Variants in GTF3C5 observed in about 807,000 individuals in gnomAD.
The protein encoded by GTF3C5 is general transcription factor IIIC subunit 5, also known as general transcription factor 3C polypeptide 5.
GTF3C5 carries 47 observed loss-of-function variants against 61.0 expected under a neutral mutation model. The observed-to-expected ratio is 0.77, with a 90% CI of 0.61 to 0.98. The LOEUF is 0.98. GTF3C5 is among the 50% of genes least tolerant of loss of function. The pLI, the probability that GTF3C5 is intolerant of heterozygous loss-of-function variation, is 0.00. For synonymous variants in GTF3C5, 295 were observed against 275.4 expected (o/e 1.07, Z -0.71); for missense variants, 659 against 703.3 (o/e 0.94, Z 0.71).
At chr9:133,048,413 C>T (rs1055126964) in intron 3 of GTF3C5, among the ~76,000 whole-genome samples, 6 of 152,140 alleles carry the variant, frequency 3.9e-5, no homozygotes, top group African/African-American at 9.7e-5. Context: ...AGGAGAATGG[C>T]GTGAACCCGC....
intron 1 of GTF3C5, among the ~76,000 whole-genome samples, chr9:133,037,683 T>C (rs1271269586): frequency 6.6e-6 from 1 of 152,126 alleles, no homozygotes. Context: ...TCCTAACGGG[T>C]TAGTTCCTGC....
chr9:133,042,208 C>T lies in GTF3C5; in HGVS notation c.275C>T (p.Thr92Met), dbSNP rs374684576. 2.5e-5 allele frequency: 41 copies of T among 1,613,680 alleles called. No homozygotes were observed. Among genetic ancestry groups the T allele is most frequent in the Non-Finnish European group, 3.3e-5 (39 of 1,179,680 alleles). Reference sequence around the variant, plus strand: ...CTGCTGCTCCGCATCAGGAAGAGAACGAGGCGGCAGAAAGGGGTGCTGGGC... The same window carrying T: ...CTGCTGCTCCGCATCAGGAAGAGAATGAGGCGGCAGAAAGGGGTGCTGGGC... The part of the protein sequence containing the change: ...SSLLLRIRKR[T>M]RRQKGVLGTE... Residue 92 changes from threonine (T) to methionine (M), a missense_variant, in exon 2 of 11, where the codon ACG becomes ATG. Coordinates refer to ENST00000372097, the MANE Select transcript of GTF3C5 (RefSeq NM_012087.4).
chr9:133,045,903 C>T (rs1850188344), intron 3 of GTF3C5, among the ~76,000 whole-genome samples: 2 of 152,128 alleles, frequency 1.3e-5, no homozygotes, highest in South Asian at 4.1e-4. Context: ...TCCCAAGGTG[C>T]TGGGATTACA....
chr9:133,042,052 A>G (rs746734667), intron 1 of GTF3C5, 35 bp from the exon 2 acceptor site: 2 of 1,497,332 alleles, frequency 1.3e-6, no homozygotes, highest in South Asian at 1.1e-5. Flanking sequence ...TTGGCTTGTC[A>G]TTGCTTCACT....
intron 1 of GTF3C5, among the ~76,000 whole-genome samples, chr9:133,041,721 C>T (rs938888532): frequency 5.9e-5 from 9 of 152,118 alleles, no homozygotes; most frequent in Non-Finnish European, 8.8e-5. Context: ...TCTGCAGTCT[C>T]GTCTCCACAC....
At chr9:133,050,698 T>G in intron 3 of GTF3C5, 85 bp from the exon 4 acceptor site, 1 of 972,730 alleles carries the variant, frequency 1.0e-6, no homozygotes, top group African/African-American at 1.7e-5. Flanking sequence ...CCTTGGGGGG[T>G]TCTGGGCTCC....
chr9:133,038,701 C>A (rs368090620), intron 1 of GTF3C5, among the ~76,000 whole-genome samples: 2 of 151,924 alleles, frequency 1.3e-5, no homozygotes, highest in Admixed American at 1.3e-4. Flanking sequence ...AGGTGATCCA[C>A]CCAGCTCGGC....
intron 3 of GTF3C5, 34 bp downstream of exon 3, chr9:133,043,960 A>C (rs767182224): frequency 2.6e-6 from 4 of 1,522,864 alleles, no homozygotes; most frequent in Non-Finnish European, 2.7e-6. Flanking sequence ...TCGGTTCTCT[A>C]TCCTGAAAAT....
At chr9:133,054,371 G>A in intron 6 of GTF3C5, 37 bp from the exon 7 acceptor site, 3 of 1,573,242 alleles carry the variant, frequency 1.9e-6, no homozygotes, top group Non-Finnish European at 2.6e-6. Context: ...GACGGGCCCT[G>A]TGCCCGCCCA....
intron 3 of GTF3C5, among the ~76,000 whole-genome samples, chr9:133,045,970 T>A (rs543563200): frequency 6.6e-6 from 1 of 152,204 alleles, no homozygotes; most frequent in South Asian, 2.1e-4. Flanking sequence ...CCAGAGGTGA[T>A]GGTGTTTGTT....
intron 1 of GTF3C5, 46 bp from the exon 2 acceptor site, chr9:133,042,041 C>A: frequency 1.4e-6 from 2 of 1,395,642 alleles, no homozygotes; most frequent in Non-Finnish European, 2.0e-6. Context: ...CCACTGGCTG[C>A]TTGGCTTGTC....
At chr9:133,035,556 T>C (rs1189127327) in intron 1 of GTF3C5, among the ~76,000 whole-genome samples, 1 of 152,200 alleles carries the variant, frequency 6.6e-6, no homozygotes, top group Admixed American at 6.5e-5. Context: ...GGGGTTTGGA[T>C]AACATTTCTC....
chr9:133,055,876 C>A, intron 8 of GTF3C5, 136 bp from the exon 9 acceptor site: 1 of 1,456,888 alleles, frequency 6.9e-7, no homozygotes, highest in Admixed American at 2.5e-5. Flanking sequence ...GGCCTTCCAG[C>A]CTGTCTGCCC....
At chr9:133,055,930 G>T in intron 8 of GTF3C5, 82 bp from the exon 9 acceptor site, 2 of 1,588,186 alleles carry the variant, frequency 1.3e-6, no homozygotes, top group Non-Finnish European at 1.7e-6. Flanking sequence ...GAGACCCCAT[G>T]GGAGCCTACA....
chr9:133,041,363 G>A (rs999687687), intron 1 of GTF3C5, among the ~76,000 whole-genome samples: 6 of 152,162 alleles, frequency 3.9e-5, no homozygotes, highest in Admixed American at 6.5e-5. Context: ...TTCATGTTCC[G>A]TCCTGTACGC....
intron 2 of GTF3C5, 133 bp downstream of exon 2, chr9:133,042,439 G>A: frequency 1.5e-6 from 1 of 664,718 alleles, no homozygotes; most frequent in Admixed American, 2.4e-5. Context: ...GGACACAGCA[G>A]GGCACAGGCC....
intron 10 of GTF3C5, among the ~76,000 whole-genome samples, 186 bp downstream of exon 10, chr9:133,057,094 C>T (rs1166331418): frequency 6.6e-6 from 1 of 152,220 alleles, no homozygotes; most frequent in Non-Finnish European, 1.5e-5. Flanking sequence ...CCCCAGCTGC[C>T]CAGAGGCTGC....
At chr9:133,057,504 C>G (rs531021120) in intron 10 of GTF3C5, among the ~76,000 whole-genome samples, 1 of 152,314 alleles carries the variant, frequency 6.6e-6, no homozygotes, top group East Asian at 1.9e-4. Context: ...GCTTGGAACC[C>G]AGATTCAGCC....
chr9:133,035,707 A>G (rs1447706620), intron 1 of GTF3C5, among the ~76,000 whole-genome samples: 2 of 152,172 alleles, frequency 1.3e-5, no homozygotes, highest in African/African-American at 4.8e-5. Context: ...GAGCGTTTTG[A>G]GGAAATGGCA....
Sources: gnomAD v4.1 joint callset for allele counts (sites outside exome capture counted in the v4.1 genomes callset) on GRCh38, gnomAD v4.1.1 for gene constraint, MANE v1.5 for transcripts, NCBI Gene and HGNC (gene_info 2026-07-23, HGNC 2026-07-21) for gene names.